The following DLEU7 variants were observed in gnomAD, a reference collection of about 807,000 sequenced individuals.
DLEU7 encodes leukemia-associated protein 7.
DLEU7 carries 17 observed loss-of-function variants against 16.0 expected under a neutral mutation model. The ratio of observed to expected loss-of-function variants is 1.06; its 90% CI spans 0.73 to 1.59. DLEU7 has a LOEUF of 1.59. DLEU7 is among the 40% of genes most tolerant of loss of function. The pLI, the probability that DLEU7 is intolerant of heterozygous loss-of-function variation, is 0.00. For missense variants in DLEU7, 308 were observed against 314.9 expected, an observed-to-expected ratio of 0.98 and a Z score of 0.17; for synonymous variants, 113 against 139.8, an observed-to-expected ratio of 0.81 and a Z score of 1.35.
intron 1 of DLEU7, among the ~76,000 whole-genome samples, chr13:50,721,502 A>G (rs1394406055): frequency 6.6e-6 from 1 of 152,208 alleles, no homozygotes; most frequent in African/African-American, 2.4e-5. Flanking sequence ...TAAACTGGGA[A>G]ATAATATTCA....
At chr13:50,712,813 A>C (rs1873331385) in exon 2 of DLEU7, 1 of 191,334 alleles carries the variant, frequency 5.2e-6, no homozygotes, top group Non-Finnish European at 1.1e-5. Flanking sequence ...GCTTAGGAGA[A>C]TGTTGGAAGA....
Position 50,739,642 on chromosome 13 carries a change from A to AG in DLEU7, c.460-26403_460-26402insC, listed in dbSNP as rs1249282475. ...AGATATGAACTACCTTTTGTAAAAAATAGGTGGATTAGAGGAACGAGAGAG... is the reference window on the plus strand; with the variant it reads ...AGATATGAACTACCTTTTGTAAAAAAGTAGGTGGATTAGAGGAACGAGAGAG... On this transcript the variant is annotated intron_variant, in intron 1 of 1. Coordinates refer to the DLEU7 transcript ENST00000400393. Among the ~76,000 whole-genome samples the AG allele has an allele frequency of 5.3e-4, 80 of 152,284 alleles. 1 individual carries two copies. Among genetic ancestry groups the AG allele is most frequent in the Non-Finnish European group, 2.2e-4 (15 of 68,018 alleles).
At chr13:50,805,686 C>T (rs1031596238) in intron 1 of DLEU7, among the ~76,000 whole-genome samples, 7 of 152,140 alleles carry the variant, frequency 4.6e-5, no homozygotes, top group East Asian at 1.9e-4. Flanking sequence ...TGTGCAGTTT[C>T]CTACCACTTC....
intron 1 of DLEU7, among the ~76,000 whole-genome samples, chr13:50,769,161 A>G (rs997443401): frequency 2.0e-5 from 3 of 152,084 alleles, no homozygotes; most frequent in Non-Finnish European, 4.4e-5. Flanking sequence ...AAATTTGTTT[A>G]AGTTCTTTGT....
intron 1 of DLEU7, among the ~76,000 whole-genome samples, chr13:50,809,278 A>G (rs1039944793): frequency 2.0e-5 from 3 of 152,192 alleles, no homozygotes; most frequent in Non-Finnish European, 4.4e-5. Flanking sequence ...CACTCAATCT[A>G]TTCCAGAAAA....
chr13:50,732,183 C>A (rs554009665), intron 1 of DLEU7, among the ~76,000 whole-genome samples: 2 of 152,164 alleles, frequency 1.3e-5, no homozygotes, highest in Non-Finnish European at 2.9e-5. Context: ...AGATGTAATA[C>A]TATCACAGAA....
intron 1 of DLEU7, among the ~76,000 whole-genome samples, chr13:50,721,797 A>C (rs1301347664): frequency 6.6e-6 from 1 of 152,222 alleles, no homozygotes; most frequent in Admixed American, 6.5e-5. Context: ...CTAGTGTGGA[A>C]GGCAGTGCAT....
chr13:50,766,270 G>A (rs1018280758), intron 1 of DLEU7, among the ~76,000 whole-genome samples: 12 of 152,212 alleles, frequency 7.9e-5, no homozygotes, highest in African/African-American at 2.6e-4. Context: ...CATCACGTTC[G>A]GCATCATGTT....
chr13:50,799,167 T>G (rs1459410650), intron 1 of DLEU7, among the ~76,000 whole-genome samples: 1 of 152,202 alleles, frequency 6.6e-6, no homozygotes, highest in Admixed American at 6.5e-5. Context: ...GGCAGTGGAC[T>G]GGTGAAGAAG....
At chr13:50,744,024 G>A (rs2137727494) in intron 1 of DLEU7, among the ~76,000 whole-genome samples, 1 of 152,254 alleles carries the variant, frequency 6.6e-6, no homozygotes, top group Admixed American at 6.5e-5. Flanking sequence ...CTGCCAATGG[G>A]TATATAAGGG....
intron 1 of DLEU7, among the ~76,000 whole-genome samples, chr13:50,748,119 T>G (rs1489359771): frequency 6.6e-6 from 1 of 152,234 alleles, no homozygotes; most frequent in Non-Finnish European, 1.5e-5. Context: ...AAAGTTTTTT[T>G]GTGTGTACAC....
rs1212549964 is a variant in DLEU7, at chr13:50,812,725, TGTATAAATAGTTACATATAGCTATATAC to T, written c.459+30435_459+30462del. On this transcript the variant is annotated intron_variant, in intron 1 of 1. Transcript: ENST00000400393. ...GTGAATAGTTACATATAGCTATATA[TGTATAAATAGTTACATATAGCTATATAC>T]GTATAAATCCAGTTATACATATGTA... 1.5e-3 allele frequency among the ~76,000 whole-genome samples: 233 copies of T among 152,066 alleles called. 1 individual carries two copies. The highest frequency in any genetic ancestry group is 3.4e-3 in the Middle Eastern group (1 of 294).
chr13:50,721,357 A>G lies in DLEU7; in HGVS notation c.460-8117T>C, dbSNP rs1027408407. Among the ~76,000 whole-genome samples the G allele has an allele frequency of 3.3e-5, 5 of 152,270 alleles. No individual in the cohort carries two copies. In the East Asian group the frequency reaches 9.7e-4, roughly 29 times the overall value. ...TTCCTCCTCAGCTTGCAGACAGCCT[A>G]TCATGGGATTTCACCTTGTGATCGT... On this transcript the variant is annotated intron_variant, in intron 1 of 1. Transcript: ENST00000400393.
chr13:50,790,523 G>A (rs1325050838), intron 1 of DLEU7, among the ~76,000 whole-genome samples: 1 of 152,114 alleles, frequency 6.6e-6, no homozygotes, highest in East Asian at 1.9e-4. Flanking sequence ...TCTCCATGGA[G>A]TCTGACCATC....
chr13:50,753,363 C>T (rs903813220), intron 1 of DLEU7, among the ~76,000 whole-genome samples: 17 of 152,188 alleles, frequency 1.1e-4, no homozygotes, highest in East Asian at 3.9e-4. Context: ...CAGGGGGCGG[C>T]GCTCGTTGGG....
intron 1 of DLEU7, among the ~76,000 whole-genome samples, chr13:50,771,099 G>T (rs970342392): frequency 6.6e-6 from 1 of 152,126 alleles, no homozygotes; most frequent in Non-Finnish European, 1.5e-5. Flanking sequence ...TATTTCTGTG[G>T]AATCGGTGGT....
intron 1 of DLEU7, among the ~76,000 whole-genome samples, chr13:50,828,928 C>T (rs1409518531): frequency 6.6e-6 from 1 of 152,152 alleles, no homozygotes; most frequent in Non-Finnish European, 1.5e-5. Context: ...TCTTGCTTCC[C>T]TACCTTTGTG....
intron 1 of DLEU7, among the ~76,000 whole-genome samples, chr13:50,739,190 G>A (rs931046429): frequency 1.9e-4 from 29 of 152,090 alleles, no homozygotes; most frequent in African/African-American, 6.0e-4. Context: ...TGCTTTCTCA[G>A]TAAATTCTTC....
rs57294607 is a variant in DLEU7 at position 50,816,894 on chromosome 13, C to CCA, written c.459+26292_459+26293dup. 4.1e-3 allele frequency among the ~76,000 whole-genome samples: 627 copies of CCA among 151,682 alleles called. 5 individuals are homozygous for CCA. The highest frequency in any genetic ancestry group is 0.014 in the African/African-American group (571 of 41,410). Reference sequence around the variant, plus strand: ...CCTCCCTCCATCTGCACTACCCCCGCCACACACACACACGGCGCCAAGCTT... The same window carrying CCA: ...CCTCCCTCCATCTGCACTACCCCCGCCACACACACACACACGGCGCCAAGCTT... On this transcript the variant is annotated intron_variant, in intron 1 of 1. Transcript: ENST00000400393.
Sources: allele counts gnomAD v4.1 joint callset (sites outside exome capture counted in the v4.1 genomes callset), GRCh38; gene constraint gnomAD v4.1.1; transcripts MANE v1.5; gene names NCBI Gene and HGNC (gene_info 2026-07-23, HGNC 2026-07-21).